The following GPR161 variants were observed in gnomAD, a reference collection of about 807,000 sequenced individuals.
GPR161 encodes the protein G protein-coupled receptor 161, also known as G-protein coupled receptor RE2.
A neutral mutation model predicts 39.2 loss-of-function variants in GPR161; 25 were observed. That is an observed-to-expected ratio of 0.64 (90% CI 0.47 to 0.89). GPR161 has a LOEUF of 0.89. GPR161 is among the 40% of genes least tolerant of loss of function. The pLI is 0.00. For synonymous variants in GPR161, 286 were observed against 276.6 expected, an observed-to-expected ratio of 1.03 and a Z score of -0.34; for missense variants, 547 against 677.8, an observed-to-expected ratio of 0.81 and a Z score of 2.14.
At chr1:168,093,307 T>G (rs568234014) in intron 3 of GPR161, among the ~76,000 whole-genome samples, 2 of 152,138 alleles carry the variant, frequency 1.3e-5, no homozygotes, top group Non-Finnish European at 2.9e-5. Flanking sequence ...CAGCGACATT[T>G]GGCACCCATG....
At chr1:168,137,495 G>T, upstream of GPR161, 1 of 1,038,228 alleles carries the variant, frequency 9.6e-7, no homozygotes, top group Non-Finnish European at 1.4e-6. Context: ...GCCAGCCCCG[G>T]GGAGTGGGGA....
At chr1:168,117,296 C>T (rs551101876) in intron 1 of GPR161, among the ~76,000 whole-genome samples, 3 of 152,264 alleles carry the variant, frequency 2.0e-5, no homozygotes, top group South Asian at 2.1e-4. Context: ...ATTTGCAAAA[C>T]GCAGTGCAAT....
At chr1:168,112,641 G>A (rs186155405) in intron 1 of GPR161, among the ~76,000 whole-genome samples, 75 of 152,104 alleles carry the variant, frequency 4.9e-4, no homozygotes, top group African/African-American at 1.7e-3. Flanking sequence ...CGGATCACTT[G>A]AGGTCAGGAG....
chr1:168,123,579 C>CAAT (rs796208020), intron 1 of GPR161, among the ~76,000 whole-genome samples: 1 of 147,746 alleles, frequency 6.8e-6, no homozygotes, highest in Non-Finnish European at 1.5e-5. Flanking sequence ...CACACACACA[C>CAAT]TTGTTTGCAT....
At chr1:168,109,738 G>A (rs1033786148) in intron 1 of GPR161, among the ~76,000 whole-genome samples, 10 of 151,978 alleles carry the variant, frequency 6.6e-5, no homozygotes, top group East Asian at 1.9e-4. Flanking sequence ...AGGCCGAGGC[G>A]GATGGATCAC....
rs932509314 is a variant in GPR161, at chr1:168,106,409, G to A, written c.-44-1515C>T. ...TGAGAGCAAGCCCGGGCAACGTGGC[G>A]AAACTGTCTCTACAGAAAAATACAC... On this transcript the variant is annotated intron_variant, in intron 1 of 5. Transcript: ENST00000682931. Among the ~76,000 whole-genome samples, 5 of 152,158 alleles carry A rather than the reference G, an allele frequency of 3.3e-5. No individual in the cohort carries two copies. The South Asian group carries it at 8.3e-4, about 25-fold the overall frequency.
chr1:168,109,777 G>T (rs1296906383), intron 1 of GPR161, among the ~76,000 whole-genome samples: 1 of 152,138 alleles, frequency 6.6e-6, no homozygotes, highest in Non-Finnish European at 1.5e-5. Context: ...GACCAGCTTG[G>T]TCAACATGGT....
intron 3 of GPR161, among the ~76,000 whole-genome samples, chr1:168,094,027 C>T (rs944950633): frequency 2.0e-5 from 3 of 150,658 alleles, no homozygotes; most frequent in Non-Finnish European, 2.9e-5. Context: ...ATCCCACAAG[C>T]CTGCTTTCCC....
intron 1 of GPR161, among the ~76,000 whole-genome samples, chr1:168,134,508 A>T (rs1488640442): frequency 6.6e-6 from 1 of 152,104 alleles, no homozygotes; most frequent in Non-Finnish European, 1.5e-5. Context: ...TTTTGTTCTT[A>T]TAGAAAAACA....
Position 168,096,910 on chromosome 1 carries a change from C to T in GPR161, c.697G>A (p.Asp233Asn). ...HCGTVVIVEE[D>N]AQRTGRKNSS... ...TTCTTCCTCCCGGTCCTCTGAGCAT[C>T]CTCCTCCACGATGACGACTGTGCCA... The change falls in exon 3 of 6, where the codon GAT becomes AAT. Residue 233 changes from aspartate (D) to asparagine (N), a missense_variant. Physicochemically the swap from Asp to Asn is conservative, Grantham distance 23. Coordinates refer to ENST00000682931, the MANE Select transcript of GPR161 (RefSeq NM_001375883.1). 6.2e-7 allele frequency: 1 copy of T among 1,614,158 alleles called. No homozygotes were observed. The highest frequency in any genetic ancestry group is 2.2e-5 in the East Asian group (1 of 44,884).
chr1:168,113,012 G>A (rs1697347598), intron 1 of GPR161, among the ~76,000 whole-genome samples: 1 of 152,180 alleles, frequency 6.6e-6, no homozygotes, highest in South Asian at 2.1e-4. Context: ...CTGCCAGGAG[G>A]TCTGGAGTAG....
Position 168,087,653 on chromosome 1 carries a change from G to T in GPR161, c.1256C>A (p.Ser419Tyr). The part of the protein sequence containing the change: ...EDYTSDDNPP[S>Y]HCTCPPKRRS... ...TCTCTTGGGTGGGCAAGTGCAGTGA[G>T]AGGGAGGGTTGTCATCAGACGTGTA... Residue 419 changes from serine (S) to tyrosine (Y), a missense_variant, in exon 5 of 6, where the codon TCT (serine) becomes TAT (tyrosine). Coordinates refer to ENST00000682931, the MANE Select transcript of GPR161 (RefSeq NM_001375883.1). 1.2e-6 allele frequency: 2 copies of T among 1,614,020 alleles called. No homozygotes were observed. The highest frequency in any genetic ancestry group is 1.7e-6 in the Non-Finnish European group (2 of 1,179,874).
chr1:168,104,983 A>G, intron 1 of GPR161, 89 bp from the exon 2 acceptor site: 1 of 978,164 alleles, frequency 1.0e-6, no homozygotes, highest in Non-Finnish European at 1.5e-6. Context: ...TAAAGGGGTT[A>G]AGTGCTACGC....
chr1:168,093,432 G>A (rs568733880), intron 3 of GPR161, among the ~76,000 whole-genome samples: 4 of 152,344 alleles, frequency 2.6e-5, no homozygotes, highest in African/African-American at 9.6e-5. Flanking sequence ...AACTGCCCAG[G>A]AGACTCCTGA....
chr1:168,116,100 A>C (rs564617110), intron 1 of GPR161, among the ~76,000 whole-genome samples: 2 of 152,224 alleles, frequency 1.3e-5, no homozygotes, highest in Admixed American at 1.3e-4. Flanking sequence ...TTTTATCATA[A>C]AAGTCTCTTC....
chr1:168,087,510 C>A (rs1694638582), intron 5 of GPR161, 75 bp downstream of exon 5: 5 of 1,561,794 alleles, frequency 3.2e-6, no homozygotes, highest in Non-Finnish European at 4.4e-6. Flanking sequence ...GGGAGCCAGC[C>A]TGAGCCAAGG....
At chr1:168,136,671 T>G in intron 1 of GPR161, 68 bp downstream of exon 1, 1 of 1,159,528 alleles carries the variant, frequency 8.6e-7, no homozygotes. Context: ...ACAATGAGTT[T>G]AGCCTGGCTC....
chr1:168,123,054 G>A (rs1271378789), intron 1 of GPR161, among the ~76,000 whole-genome samples: 7 of 152,222 alleles, frequency 4.6e-5, no homozygotes, highest in Non-Finnish European at 1.0e-4. Flanking sequence ...CTCTGCAGAA[G>A]AGTAGCAGAC....
chr1:168,107,830 G>A (rs1229938504), intron 1 of GPR161, among the ~76,000 whole-genome samples: 1 of 152,136 alleles, frequency 6.6e-6, no homozygotes, highest in Non-Finnish European at 1.5e-5. Flanking sequence ...CCAAAGGTTG[G>A]CAGCACTCTC....
Sources: allele counts gnomAD v4.1 joint callset (sites outside exome capture counted in the v4.1 genomes callset), GRCh38; gene constraint gnomAD v4.1.1; transcripts MANE v1.5; gene names NCBI Gene and HGNC (gene_info 2026-07-23, HGNC 2026-07-21).